The following ACSBG1 variants were observed in gnomAD, a reference collection of about 807,000 sequenced individuals.
ACSBG1 encodes the protein long-chain-fatty-acid--CoA ligase ACSBG1.
Under a neutral mutation model 80.2 loss-of-function variants are expected in ACSBG1, and 39 were observed. The ratio of observed to expected loss-of-function variants is 0.49; its 90% CI spans 0.38 to 0.64. The LOEUF (loss-of-function observed/expected upper bound fraction) is 0.64. ACSBG1 is among the 30% of genes least tolerant of loss of function. The pLI is 0.00. For synonymous variants in ACSBG1, 392 were observed against 379.5 expected (o/e 1.03, Z -0.38); for missense variants, 828 against 966.4 (o/e 0.86, Z 1.90).
At chr15:78,174,255 C>T (rs11631653) in intron 12 of ACSBG1, 130 bp downstream of exon 12, 410,622 of 1,291,680 alleles carry the variant, frequency 0.32, 70,377 homozygotes, top group Non-Finnish European at 0.36. Context: ...GCAGGCAGCA[C>T]GGACTTGAGT....
chr15:78,184,432 C>T (rs1402400029), intron 5 of ACSBG1, among the ~76,000 whole-genome samples: 1 of 152,098 alleles, frequency 6.6e-6, no homozygotes, highest in African/African-American at 2.4e-5. Context: ...ATCCTTCTGC[C>T]TTGGCCTCCC....
rs1454665684 is a variant in ACSBG1 at position 78,171,403 on chromosome 15, C to G, written c.*41G>C. Reference sequence around the variant, plus strand: ...GGGGCTCAGGAAGAGGCTCGGAACGCCTGCCCTCTATTCTATAGAAACTGC... The same window carrying G: ...GGGGCTCAGGAAGAGGCTCGGAACGGCTGCCCTCTATTCTATAGAAACTGC... On this transcript the variant is annotated 3_prime_UTR_variant, in exon 14 of 14. Transcript: ENST00000258873. The G allele has an allele frequency of 4.3e-5, 68 of 1,563,698 alleles. No homozygotes were observed. The highest frequency in any genetic ancestry group is 6.0e-5 in the Non-Finnish European group (68 of 1,136,374).
chr15:78,181,489 CTTTT>C (rs71145901), intron 8 of ACSBG1, among the ~76,000 whole-genome samples: 1 of 83,042 alleles, frequency 1.2e-5, no homozygotes, highest in Non-Finnish European at 2.3e-5. Context: ...CATCAGGTTT[CTTTT>C]TTTTTTTTTT....
At position 78,174,412 on chromosome 15, in the gene ACSBG1, C is replaced by T. The variant is rs771740129; in HGVS notation, c.1815G>A (p.Lys605=). The T allele has an allele frequency of 6.2e-6, 10 of 1,614,100 alleles. No individual in the cohort carries two copies. The South Asian group carries it at 8.8e-5, about 14-fold the overall frequency. Residue 605 remains lysine (K), a synonymous_variant, in exon 12 of 14, where the codon AAG becomes AAA. Transcript: ENST00000258873. ...TCAAGGTGAGCAGCATGGACAGGAA[C>T]TTCCTCTGGTCCCCAATGAGCATGG... ...SNAMLIGDQR[K]FLSMLLTLKC... is the part of the protein sequence containing the mutation.
intron 2 of ACSBG1, 77 bp downstream of exon 2, chr15:78,207,925 A>ACCCCCCCCCCCCCCCCCCCC: frequency 1.3e-5 from 6 of 454,978 alleles, no homozygotes; most frequent in Non-Finnish European, 1.7e-5. Context: ...GGTCCCCCAC[A>ACCCCCCCCCCCCCCCCCCCC]CCACCCACCC....
intron 1 of ACSBG1, among the ~76,000 whole-genome samples, chr15:78,230,357 G>A (rs1016232337): frequency 3.9e-5 from 6 of 152,212 alleles, no homozygotes; most frequent in Non-Finnish European, 7.3e-5. Flanking sequence ...GTCAGGCCAG[G>A]GTGCAAGCCC....
At chr15:78,175,450 G>A (rs1028672708) in intron 11 of ACSBG1, among the ~76,000 whole-genome samples, 1 of 152,238 alleles carries the variant, frequency 6.6e-6, no homozygotes, top group African/African-American at 2.4e-5. Context: ...CAGTGAGACA[G>A]AGGGAGGCAC....
chr15:78,224,149 C>T (rs1434794199), intron 1 of ACSBG1, among the ~76,000 whole-genome samples: 3 of 152,142 alleles, frequency 2.0e-5, no homozygotes, highest in East Asian at 1.9e-4. Context: ...CTCACACATC[C>T]GGTGAGAAAC....
rs1403630722 is a variant in ACSBG1, at chr15:78,167,900, A to G, written c.*3544T>C. 2.0e-5 allele frequency: 3 copies of G among 152,238 alleles called. No homozygotes were observed. The highest frequency in any genetic ancestry group is 3.8e-4 in the East Asian group (2 of 5,206). 9.4% of individuals were successfully genotyped at this position (152,238 alleles called of 1,614,324 possible). A position where few individuals can be genotyped will look rare whatever the true frequency, so the allele number is the denominator to read the frequency against. On this transcript the variant is annotated 3_prime_UTR_variant, in exon 14 of 14. Coordinates refer to ENST00000258873, the MANE Select transcript of ACSBG1 (RefSeq NM_015162.5). ...TCAGGCTTGTTTTTAACAGCCTGAT[A>G]GTCACATTGGAGGTCATATGATTTT... is the stretch of plus-strand genomic sequence containing the variant.
At chr15:78,175,527 G>C (rs541198569) in intron 11 of ACSBG1, among the ~76,000 whole-genome samples, 1 of 152,342 alleles carries the variant, frequency 6.6e-6, no homozygotes, top group South Asian at 2.1e-4. Context: ...ACGGGAGTTG[G>C]CAGGCAGAGG....
intron 2 of ACSBG1, among the ~76,000 whole-genome samples, chr15:78,195,725 G>T (rs2075107886): frequency 6.6e-6 from 1 of 152,150 alleles, no homozygotes; most frequent in Non-Finnish European, 1.5e-5. Context: ...TGGGTGGTCT[G>T]GACCCTTTGG....
chr15:78,233,819 A>G (rs1044579013), intron 1 of ACSBG1, among the ~76,000 whole-genome samples: 5 of 152,208 alleles, frequency 3.3e-5, no homozygotes, highest in African/African-American at 1.2e-4. Flanking sequence ...CAGGGTGGGC[A>G]TTGGTGAATG....
intron 5 of ACSBG1, among the ~76,000 whole-genome samples, chr15:78,193,151 A>C (rs1206285905): frequency 6.6e-6 from 1 of 151,066 alleles, no homozygotes; most frequent in African/African-American, 2.4e-5. Flanking sequence ...GCCCTAAGCC[A>C]CTCACCTGCA....
Position 78,228,386 on chromosome 15 carries a change from T to C in ACSBG1, c.131+5985A>G, listed in dbSNP as rs947856500. 8.5e-5 allele frequency among the ~76,000 whole-genome samples: 13 copies of C among 152,294 alleles called. No homozygotes were observed. The South Asian group carries it at 2.7e-3, about 32-fold the overall frequency. ...AGGTAATCAGGTCAGAGTAGATTGATAATATGTGAATGTTGTAATACAGTG... is the reference window on the plus strand; with the variant it reads ...AGGTAATCAGGTCAGAGTAGATTGACAATATGTGAATGTTGTAATACAGTG... On this transcript the variant is annotated intron_variant, in intron 1 of 13. Transcript: ENST00000258873.
intron 5 of ACSBG1, 32 bp from the exon 6 acceptor site, chr15:78,182,817 A>T: frequency 6.2e-7 from 1 of 1,610,640 alleles, no homozygotes; most frequent in Non-Finnish European, 8.5e-7. Context: ...ATCAGGTTTC[A>T]GTAAGAGAAA....
chr15:78,176,644 G>A lies in ACSBG1; in HGVS notation c.1702+1970C>T, dbSNP rs1005759109. On this transcript the variant is annotated intron_variant, in intron 11 of 13. Transcript: ENST00000258873. ...AAAATCTCTACACTAGAAAACATAG[G>A]CTGGATGCAGTGGCTCACACCTATA... Among the ~76,000 whole-genome samples the A allele has an allele frequency of 2.6e-5, 4 of 152,082 alleles. No individual in the cohort carries two copies. In the South Asian group the frequency reaches 8.3e-4, roughly 32 times the overall value.
In ACSBG1 at chr15:78,180,923, T is replaced by C; in HGVS notation, c.1085A>G (p.Asn362Ser). The C allele has an allele frequency of 6.2e-7, 1 of 1,614,004 alleles. No individual in the cohort carries two copies. Among genetic ancestry groups the C allele is most frequent in the Non-Finnish European group, 8.5e-7 (1 of 1,179,930 alleles). ...EPDALKGSLVNTLREVEPTSH... is the reference protein window; with the variant it reads ...EPDALKGSLVSTLREVEPTSH... Reference sequence around the variant, plus strand: ...TGTGGGCTCCACCTCCCGCAGCGTGTTCACCAGGCTCCCCTGTTCACACCA... The same window carrying C: ...TGTGGGCTCCACCTCCCGCAGCGTGCTCACCAGGCTCCCCTGTTCACACCA... Residue 362 changes from asparagine to serine, a missense_variant, in exon 9 of 14, where the codon AAC becomes AGC. Asn to Ser is a conservative substitution (Grantham distance 46). Around this residue, in one of 3 missense-constraint regions of ACSBG1, gnomAD observed 271 missense variants for 375.9 expected, o/e 0.72. Transcript: ENST00000258873.
At position 78,178,513 on chromosome 15, in the gene ACSBG1, G is replaced by C. The variant is rs2074905800; in HGVS notation, c.1702+101C>G. ...GATGGGGTTTCGCTGTGCTGCCCAG[G>C]GTGGTCTTGAACTCCTGAGCTCAGA... On this transcript the variant is annotated intron_variant, in intron 11 of 13. Coordinates refer to ENST00000258873, the MANE Select transcript of ACSBG1 (RefSeq NM_015162.5). This position sits in a 1 kb window ranked among gnomAD's most constrained non-coding sequence, Gnocchi z 4.3. 5 of 1,298,734 alleles carry C rather than the reference G, an allele frequency of 3.8e-6. No homozygotes were observed. Among genetic ancestry groups the C allele is most frequent in the Non-Finnish European group, 5.2e-6 (5 of 960,304 alleles). 80.5% of individuals were successfully genotyped at this position (1,298,734 alleles called of 1,614,324 possible). A position where few individuals can be genotyped will look rare whatever the true frequency, so the allele number is the denominator to read the frequency against.
At chr15:78,224,147 T>G (rs1181077491) in intron 1 of ACSBG1, among the ~76,000 whole-genome samples, 1 of 152,104 alleles carries the variant, frequency 6.6e-6, no homozygotes, top group African/African-American at 2.4e-5. Flanking sequence ...AACTCACACA[T>G]CCGGTGAGAA....
Sources: allele counts gnomAD v4.1 joint callset (sites outside exome capture counted in the v4.1 genomes callset), GRCh38; gene constraint gnomAD v4.1.1; regional missense constraint gnomAD v4.1.1; non-coding constraint Gnocchi (gnomAD v3.1); transcripts MANE v1.5; gene names NCBI Gene and HGNC (gene_info 2026-07-23, HGNC 2026-07-21).